Variants in CFAP95 observed in about 807,000 individuals in gnomAD.
The protein encoded by CFAP95 is cilia- and flagella-associated protein 95.
the CFAP95 span, among the ~76,000 whole-genome samples, chr9:69,829,243 T>C: frequency 6.6e-6 from 1 of 152,220 alleles, no homozygotes; most frequent in Non-Finnish European, 1.5e-5. Flanking sequence ...ATATTTTTTA[T>C]TTTTCAAGAT....
chr9:69,821,439 G>A, the CFAP95 span, among the ~76,000 whole-genome samples: 11 of 152,220 alleles, frequency 7.2e-5, no homozygotes, highest in South Asian at 1.9e-3. Flanking sequence ...ACACAGAGCG[G>A]GTGTGTATAA....
chr9:69,855,405 A>G, the CFAP95 span, among the ~76,000 whole-genome samples: 1 of 152,234 alleles, frequency 6.6e-6, no homozygotes, highest in Non-Finnish European at 1.5e-5. Flanking sequence ...GGTCAATCTT[A>G]TACCTTCAAA....
the CFAP95 span, among the ~76,000 whole-genome samples, chr9:69,826,680 T>G: frequency 2.6e-5 from 4 of 152,174 alleles, no homozygotes; most frequent in African/African-American, 9.7e-5. Flanking sequence ...GTGGTTTCCA[T>G]GCAAACAGCA....
the CFAP95 span, among the ~76,000 whole-genome samples, chr9:69,895,369 C>G: frequency 0.59 from 63,227 of 108,020 alleles, 19,481 homozygotes; most frequent in Middle Eastern, 0.75. Flanking sequence ...CTCTCTCTCT[C>G]TGTGTGTGTG....
the CFAP95 span, chr9:69,821,167 A>T: frequency 1.0e-6 from 1 of 970,094 alleles, no homozygotes; most frequent in South Asian, 1.9e-5. Context: ...AAAAAGAATG[A>T]GAAAAGTGGG....
At chr9:69,874,884 A>T in the CFAP95 span, among the ~76,000 whole-genome samples, 1 of 152,204 alleles carries the variant, frequency 6.6e-6, no homozygotes, top group African/African-American at 2.4e-5. Context: ...GTTGGCTGTC[A>T]GTAAGTCCGG....
At chr9:69,837,176 T>C in the CFAP95 span, among the ~76,000 whole-genome samples, 1 of 152,196 alleles carries the variant, frequency 6.6e-6, no homozygotes, top group African/African-American at 2.4e-5. Flanking sequence ...TTGTGAATAA[T>C]GCCGCAATAA....
At chr9:69,844,861 C>A in the CFAP95 span, among the ~76,000 whole-genome samples, 1 of 152,198 alleles carries the variant, frequency 6.6e-6, no homozygotes, top group East Asian at 1.9e-4. Context: ...TGGTGCCTGG[C>A]ACATAAAAGT....
the CFAP95 span, among the ~76,000 whole-genome samples, chr9:69,883,997 G>T: frequency 6.6e-6 from 1 of 151,758 alleles, no homozygotes; most frequent in African/African-American, 2.4e-5. Context: ...TTTATTTGAG[G>T]TGTTTCTTCT....
the CFAP95 span, among the ~76,000 whole-genome samples, chr9:69,837,681 T>G: frequency 6.6e-6 from 1 of 152,236 alleles, no homozygotes; most frequent in South Asian, 2.1e-4. Context: ...TTTTGTAGGT[T>G]GCCTGTTCAC....
the CFAP95 span, chr9:69,821,034 G>A: frequency 6.2e-7 from 1 of 1,612,720 alleles, no homozygotes; most frequent in Admixed American, 1.7e-5. Context: ...TATTCCTGGT[G>A]AGCGAAGTCC....
the CFAP95 span, among the ~76,000 whole-genome samples, chr9:69,901,778 T>C: frequency 2.0e-5 from 3 of 152,152 alleles, no homozygotes; most frequent in African/African-American, 7.2e-5. Flanking sequence ...ACTTCCACAA[T>C]GGTTGAACTA....
the CFAP95 span, among the ~76,000 whole-genome samples, chr9:69,901,010 C>T: frequency 3.3e-5 from 5 of 152,112 alleles, no homozygotes; most frequent in African/African-American, 1.2e-4. Flanking sequence ...TGCTATCCCT[C>T]CCGCCTCCCT....
At chr9:69,901,163 A>G in the CFAP95 span, among the ~76,000 whole-genome samples, 1 of 142,220 alleles carries the variant, frequency 7.0e-6, no homozygotes. Context: ...TTTGAGATGG[A>G]GTCTTGCTCT....
At chr9:69,873,618 A>G in the CFAP95 span, among the ~76,000 whole-genome samples, 75 of 152,308 alleles carry the variant, frequency 4.9e-4, no homozygotes, top group African/African-American at 1.8e-3. Flanking sequence ...TGCCAGTGAC[A>G]AGATTAACTC....
the CFAP95 span, among the ~76,000 whole-genome samples, chr9:69,839,638 G>T: frequency 6.6e-6 from 1 of 151,232 alleles, no homozygotes; most frequent in Admixed American, 6.6e-5. Flanking sequence ...ATGTTGGCCA[G>T]GCTGGTCTGA....
At chr9:69,898,403 C>T in the CFAP95 span, among the ~76,000 whole-genome samples, 11 of 152,164 alleles carry the variant, frequency 7.2e-5, no homozygotes, top group African/African-American at 2.7e-4. Context: ...TCATCAATTG[C>T]CATGGCTGTA....
the CFAP95 span, among the ~76,000 whole-genome samples, chr9:69,878,263 C>T: frequency 6.6e-6 from 1 of 152,130 alleles, no homozygotes; most frequent in African/African-American, 2.4e-5. Context: ...AGTGTCTTCC[C>T]AAGACTATAA....
chr9:69,853,771 G>A, the CFAP95 span, among the ~76,000 whole-genome samples: 1 of 152,196 alleles, frequency 6.6e-6, no homozygotes, highest in East Asian at 1.9e-4. Context: ...AGGGTCTGGA[G>A]GATAGCAGGA....
Sources: gnomAD v4.1 joint callset for allele counts (sites outside exome capture counted in the v4.1 genomes callset) on GRCh38, gnomAD v4.1.1 for gene constraint, MANE v1.5 for transcripts, NCBI Gene and HGNC (gene_info 2026-07-23, HGNC 2026-07-21) for gene names.